The following SRGAP3 variants were observed in gnomAD, a reference collection of about 807,000 sequenced individuals.
The protein encoded by SRGAP3 is SLIT-ROBO Rho GTPase activating protein 3, also known as SLIT-ROBO Rho GTPase-activating protein 3.
SRGAP3 carries 39 observed loss-of-function variants against 121.1 expected under a neutral mutation model. The ratio of observed to expected loss-of-function variants is 0.32; its 90% CI spans 0.25 to 0.42. The LOEUF is 0.42. Ranked by LOEUF, SRGAP3 falls within the 10% of genes least tolerant of loss-of-function variation. The probability of loss-of-function intolerance (pLI) is 1.00; values close to 1 mark genes in which losing one functional copy is unlikely to be tolerated. For missense variants in SRGAP3, 1,213 were observed against 1,470.6 expected (o/e 0.82, Z 2.86); for synonymous variants, 601 against 570.0 (o/e 1.05, Z -0.77).
Position 8,982,653 on chromosome 3 carries a change from G to C in SRGAP3, c.*2866C>G, listed in dbSNP as rs777017320. ...GTTCAGTGAACGTCGATGGGACTGA[G>C]TGCTGTGGAGGGTGAGTGAGACATG... is the stretch of plus-strand genomic sequence containing the variant. On this transcript the variant is annotated 3_prime_UTR_variant, in exon 22 of 22. Coordinates refer to ENST00000383836, the MANE Select transcript of SRGAP3 (RefSeq NM_014850.4). 2.8e-5 allele frequency: 6 copies of C among 211,972 alleles called. No individual in the cohort carries two copies. The highest frequency in any genetic ancestry group is 5.7e-5 in the Non-Finnish European group (6 of 105,614). 13.1% of individuals were successfully genotyped at this position (211,972 alleles called of 1,614,324 possible).
chr3:9,011,574 C>T (rs1943377212), intron 17 of SRGAP3, among the ~76,000 whole-genome samples: 1 of 152,238 alleles, frequency 6.6e-6, no homozygotes, highest in Non-Finnish European at 1.5e-5. Context: ...GCAGTCTCAG[C>T]TCAGTCTGCA....
intron 1 of SRGAP3, among the ~76,000 whole-genome samples, chr3:9,127,022 C>G (rs1005358192): frequency 6.6e-6 from 1 of 152,164 alleles, no homozygotes; most frequent in Non-Finnish European, 1.5e-5. Flanking sequence ...CAAGGGATCA[C>G]AAACCCTTGC....
rs148419752 is a variant in SRGAP3 at position 9,256,813 on chromosome 3, G to C, written n.442+69197C>G. 1.2e-4 allele frequency: 46 copies of C among 398,538 alleles called. No individual in the cohort carries two copies. The East Asian group carries it at 1.4e-3, about 12-fold the overall frequency. The allele number at this position is 398,538 out of a possible 1,614,324, so 24.7% of individuals were successfully genotyped here. On this transcript the variant is annotated intron_variant and non_coding_transcript_variant, in intron 3 of 3. Coordinates refer to the SRGAP3 transcript ENST00000490889. ...GACCTCTGGTTCTGCAACTGCCTGG[G>C]AGAGTCTAAGTCGGTGATGGAGAGT...
chr3:9,146,113 A>G (rs1481128144), intron 1 of SRGAP3, among the ~76,000 whole-genome samples: 2 of 152,228 alleles, frequency 1.3e-5, no homozygotes, highest in Non-Finnish European at 2.9e-5. Context: ...ACTAGTTAGA[A>G]GGCTACTGCC....
intron 1 of SRGAP3, among the ~76,000 whole-genome samples, chr3:9,204,016 T>G (rs375227430): frequency 6.6e-6 from 1 of 152,106 alleles, no homozygotes; most frequent in African/African-American, 2.4e-5. Flanking sequence ...GATGTAGATA[T>G]TACCGCTACA....
At chr3:9,334,300 T>A (rs778436063) in intron 1 of SRGAP3, among the ~76,000 whole-genome samples, 1 of 152,152 alleles carries the variant, frequency 6.6e-6, no homozygotes, top group Non-Finnish European at 1.5e-5. Flanking sequence ...TTCAGCCAGG[T>A]CCTGTGCTAG....
intron 6 of SRGAP3, chr3:9,059,977 G>T (rs1574999974): frequency 2.0e-6 from 1 of 498,176 alleles, no homozygotes; most frequent in Non-Finnish European, 3.6e-6. Context: ...GTTGCCATTG[G>T]ATATACAACT....
rs561643357 is a variant in SRGAP3, at chr3:9,046,490, G to C, written c.1408+901C>G. On this transcript the variant is annotated intron_variant, in intron 10 of 21. Transcript: ENST00000383836. ...AATGACTGATGAGGTCAGGGAAGCA[G>C]GCAGAAGCTAAGTGGTATAAGGCCT... Among the ~76,000 whole-genome samples the C allele has an allele frequency of 1.3e-5, 2 of 152,340 alleles. 1 individual carries two copies. The highest frequency in any genetic ancestry group is 4.1e-4 in the South Asian group (2 of 4,824).
In SRGAP3 at chr3:9,153,335, T is replaced by C. The variant is rs181486379; in HGVS notation, c.68-28418A>G. Among the ~76,000 whole-genome samples the C allele has an allele frequency of 3.9e-5, 6 of 152,354 alleles. No homozygotes were observed. In the East Asian group the frequency reaches 1.2e-3, roughly 29 times the overall value. On this transcript the variant is annotated intron_variant, in intron 1 of 21. Coordinates refer to ENST00000383836, the MANE Select transcript of SRGAP3 (RefSeq NM_014850.4). ...TTTGCCTAGCATTTTACAAGGATCATTTAATCCTCACAGCATCCTTGAGAG... is the reference window on the plus strand; with the variant it reads ...TTTGCCTAGCATTTTACAAGGATCACTTAATCCTCACAGCATCCTTGAGAG...
Position 8,985,975 on chromosome 3 carries a change from G to C in SRGAP3, c.2887-43C>G. On this transcript the variant is annotated intron_variant, in intron 21 of 21. Transcript: ENST00000383836. The surrounding 1 kb of genome is among the most constrained non-coding windows in gnomAD (Gnocchi z 5.1). The stretch of plus-strand genomic sequence containing the variant: ...TGGGGTCAGCACAGTCTGGAGACCT[G>C]GAGTCAGGTCCTTCCTGTCTGCTAA... 1 of 1,599,412 alleles carries C rather than the reference G, an allele frequency of 6.3e-7. No homozygotes were observed. The highest frequency in any genetic ancestry group is 8.5e-7 in the Non-Finnish European group (1 of 1,179,860).
chr3:9,108,446 C>T (rs1406789360), intron 2 of SRGAP3, among the ~76,000 whole-genome samples: 2 of 151,890 alleles, frequency 1.3e-5, no homozygotes, highest in East Asian at 3.9e-4. Flanking sequence ...AGCAAGACTC[C>T]GTCTCTACAA....
chr3:9,316,179 G>A lies in SRGAP3; in HGVS notation n.442+9831C>T, dbSNP rs1955342696. 3.9e-5 allele frequency among the ~76,000 whole-genome samples: 6 copies of A among 152,020 alleles called. No homozygotes were observed. The South Asian group carries it at 1.2e-3, about 31-fold the overall frequency. ...TTCTTATGCCTCAGCCATCCAAGTT[G>A]CTGGGATAACAGGCACACACCACCA... On this transcript the variant is annotated intron_variant and non_coding_transcript_variant, in intron 3 of 3. Coordinates refer to the SRGAP3 transcript ENST00000490889.
chr3:9,088,260 C>T (rs1488727181), intron 3 of SRGAP3, among the ~76,000 whole-genome samples: 1 of 152,144 alleles, frequency 6.6e-6, no homozygotes, highest in Non-Finnish European at 1.5e-5. Flanking sequence ...AGTGTGTGGA[C>T]AGTGGAAAAC....
At chr3:9,204,630 G>A (rs1952197194) in intron 1 of SRGAP3, among the ~76,000 whole-genome samples, 2 of 145,414 alleles carry the variant, frequency 1.4e-5, no homozygotes, top group Admixed American at 1.4e-4. Context: ...ACCCAAACGA[G>A]GTACCAACTC....
chr3:9,140,701 T>C (rs1238243101), intron 1 of SRGAP3, among the ~76,000 whole-genome samples: 1 of 152,240 alleles, frequency 6.6e-6, no homozygotes, highest in Admixed American at 6.5e-5. Context: ...AATAAAACTT[T>C]ACAAAAACAG....
intron 10 of SRGAP3, among the ~76,000 whole-genome samples, chr3:9,043,473 G>A (rs956002671): frequency 1.3e-5 from 2 of 152,094 alleles, no homozygotes; most frequent in Non-Finnish European, 2.9e-5. Flanking sequence ...GAAGGGGGCA[G>A]GTAGAAATCA....
intron 14 of SRGAP3, among the ~76,000 whole-genome samples, chr3:9,019,021 G>C (rs1364018476): frequency 6.6e-6 from 1 of 152,124 alleles, no homozygotes; most frequent in African/African-American, 2.4e-5. Context: ...CTCCACATTA[G>C]TTCACAGAGA....
At chr3:9,293,851 G>T (rs1954908026) in intron 3 of SRGAP3, among the ~76,000 whole-genome samples, 1 of 152,156 alleles carries the variant, frequency 6.6e-6, no homozygotes, top group South Asian at 2.1e-4. Flanking sequence ...TGCTGGAGAG[G>T]TTATGGAGAA....
At chr3:9,183,529 A>G (rs1227287116) in intron 1 of SRGAP3, among the ~76,000 whole-genome samples, 1 of 152,214 alleles carries the variant, frequency 6.6e-6, no homozygotes, top group African/African-American at 2.4e-5. Context: ...TTGTACACAC[A>G]CACACAAGTC....
Sources: allele counts gnomAD v4.1 joint callset (sites outside exome capture counted in the v4.1 genomes callset), GRCh38; gene constraint gnomAD v4.1.1; non-coding constraint Gnocchi (gnomAD v3.1); transcripts MANE v1.5; gene names NCBI Gene and HGNC (gene_info 2026-07-23, HGNC 2026-07-21).